NEBL: variants seen among roughly 807,000 people sequenced by gnomAD.
The protein encoded by NEBL is LIM and SH3 protein 2.
A neutral mutation model predicts 140.2 loss-of-function variants in NEBL; 122 were observed. That is an observed-to-expected ratio of 0.87 (90% confidence interval 0.75 to 1.01). The LOEUF (loss-of-function observed/expected upper bound fraction) is 1.01. NEBL is among the 50% of genes least tolerant of loss of function. NEBL has a pLI of 0.00. For missense variants in NEBL, 1,365 were observed against 1,231.3 expected, an observed-to-expected ratio of 1.11 and a Z score of -1.62; for synonymous variants, 436 against 398.9, an observed-to-expected ratio of 1.09 and a Z score of -1.11.
At chr10:21,188,812 A>G (rs981560434) in intron 3 of NEBL, among the ~76,000 whole-genome samples, 13 of 151,568 alleles carry the variant, frequency 8.6e-5, no homozygotes, top group African/African-American at 2.9e-4. Context: ...CTGGTCTCGA[A>G]CTCCTGAGCT....
At chr10:21,100,966 A>G (rs1273757400) in intron 2 of NEBL, among the ~76,000 whole-genome samples, 1 of 152,200 alleles carries the variant, frequency 6.6e-6, no homozygotes, top group Non-Finnish European at 1.5e-5. Flanking sequence ...ATTCCCACAC[A>G]TCGACCTTTC....
chr10:20,859,633 A>G (rs1843452432), intron 8 of NEBL, 80 bp downstream of exon 8: 1 of 871,768 alleles, frequency 1.1e-6, no homozygotes, highest in Non-Finnish European at 1.9e-6. Flanking sequence ...GCTAAGTATC[A>G]GTAATTACAA....
chr10:21,076,700 G>C, intron 2 of NEBL, among the ~76,000 whole-genome samples: 1 of 152,138 alleles, frequency 6.6e-6, no homozygotes, highest in Non-Finnish European at 1.5e-5. Flanking sequence ...AAGAAATTCT[G>C]ATGCATACTA....
chr10:21,120,393 CAT>C (rs1201775144), intron 2 of NEBL, among the ~76,000 whole-genome samples: 1,158 of 59,356 alleles, frequency 0.02, 27 homozygotes, highest in South Asian at 0.053. Flanking sequence ...AAAAAAAATA[CAT>C]ATATATATAT....
chr10:20,905,547 C>T (rs538037571), intron 4 of NEBL, among the ~76,000 whole-genome samples: 9 of 152,238 alleles, frequency 5.9e-5, no homozygotes, highest in African/African-American at 1.9e-4. Context: ...CCCCATGATC[C>T]AATCACCTCC....
At chr10:20,874,325 C>T (rs1263152266) in intron 5 of NEBL, among the ~76,000 whole-genome samples, 2 of 152,140 alleles carry the variant, frequency 1.3e-5, no homozygotes, top group East Asian at 1.9e-4. Flanking sequence ...CTTAGGCTGT[C>T]CTGCCAGATA....
In NEBL at chr10:20,868,734, T is replaced by G. The variant is rs794729077; in HGVS notation, c.614A>C (p.Asn205Thr). The change falls in exon 7 of 28, where the codon AAT becomes ACT. Residue 205 changes from asparagine (N) to threonine (T), a missense_variant. Transcript: ENST00000377122. ...AEYKKGQGIM[N>T]KEPAVIGRPD... ...TCTTCCAATTACAGCGGGCTCTTTA[T>G]TCATTATTCCTTGTCCTTTCTTGTA... is the stretch of plus-strand genomic sequence containing the variant. 1 of 1,612,114 alleles carries G rather than the reference T, an allele frequency of 6.2e-7. No individual in the cohort carries two copies. Among genetic ancestry groups the G allele is most frequent in the East Asian group, 2.2e-5 (1 of 44,794 alleles).
chr10:21,278,331 C>T (rs956277012), intron 1 of NEBL, among the ~76,000 whole-genome samples: 67 of 152,146 alleles, frequency 4.4e-4, no homozygotes, highest in African/African-American at 1.6e-3. Flanking sequence ...ATCATCCCAG[C>T]TACTCAGGAG....
At chr10:21,161,756 C>A (rs1840569463) in intron 2 of NEBL, among the ~76,000 whole-genome samples, 1 of 152,144 alleles carries the variant, frequency 6.6e-6, no homozygotes, top group Non-Finnish European at 1.5e-5. Context: ...TGTAAAGAGG[C>A]AACCCATCAA....
intron 2 of NEBL, among the ~76,000 whole-genome samples, chr10:21,056,657 G>A (rs1016530978): frequency 2.0e-5 from 3 of 152,144 alleles, no homozygotes; most frequent in African/African-American, 4.8e-5. Flanking sequence ...AAAAGAACTC[G>A]ATATATTCTA....
intron 3 of NEBL, among the ~76,000 whole-genome samples, chr10:21,015,709 C>A (rs143544310): frequency 1.3e-5 from 2 of 152,188 alleles, no homozygotes; most frequent in African/African-American, 4.8e-5. Flanking sequence ...ACAGGAGTCT[C>A]CCTATGGCGC....
chr10:21,082,452 C>T (rs1836409863), intron 2 of NEBL, among the ~76,000 whole-genome samples: 1 of 148,356 alleles, frequency 6.7e-6, no homozygotes. Context: ...TGGCAACTTA[C>T]TTTCAAGTGA....
intron 3 of NEBL, among the ~76,000 whole-genome samples, chr10:21,182,248 G>A (rs1388530436): frequency 1.3e-5 from 2 of 151,648 alleles, no homozygotes; most frequent in Admixed American, 6.6e-5. Context: ...GAGGCCAGAG[G>A]ATCAAAGAAG....
chr10:20,970,686 C>G (rs1836531684), intron 3 of NEBL, among the ~76,000 whole-genome samples: 5 of 151,814 alleles, frequency 3.3e-5, no homozygotes, highest in Admixed American at 2.6e-4. Context: ...TAAATAAAGG[C>G]AACAATAATT....
At chr10:21,268,233 C>T (rs1415807828) in intron 1 of NEBL, among the ~76,000 whole-genome samples, 1 of 152,106 alleles carries the variant, frequency 6.6e-6, no homozygotes, top group Non-Finnish European at 1.5e-5. Context: ...CTTTGGGAGG[C>T]TGAGGCAGGA....
intron 2 of NEBL, among the ~76,000 whole-genome samples, chr10:21,161,386 T>C (rs1353272515): frequency 1.3e-5 from 2 of 152,108 alleles, no homozygotes; most frequent in South Asian, 2.1e-4. Flanking sequence ...AGAATAAGGC[T>C]AAGCTGTATC....
chr10:20,849,428 G>A (rs1588789210), intron 11 of NEBL, among the ~76,000 whole-genome samples: 2 of 152,110 alleles, frequency 1.3e-5, no homozygotes, highest in Admixed American at 6.6e-5. Flanking sequence ...CATCCCCAAC[G>A]CAACACTGTT....
intron 3 of NEBL, among the ~76,000 whole-genome samples, chr10:21,011,084 A>G (rs1185326837): frequency 6.6e-6 from 1 of 152,210 alleles, no homozygotes; most frequent in Non-Finnish European, 1.5e-5. Flanking sequence ...ACATTGAGAC[A>G]TTATTGCAGA....
intron 3 of NEBL, among the ~76,000 whole-genome samples, chr10:20,987,744 G>C (rs1469677652): frequency 6.6e-6 from 1 of 152,150 alleles, no homozygotes; most frequent in African/African-American, 2.4e-5. Flanking sequence ...GAACTGCAAT[G>C]AACAAGTACT....
Sources: allele counts gnomAD v4.1 joint callset (sites outside exome capture counted in the v4.1 genomes callset), GRCh38; gene constraint gnomAD v4.1.1; transcripts MANE v1.5; gene names NCBI Gene and HGNC (gene_info 2026-07-23, HGNC 2026-07-21).